GALNT12: variants seen among roughly 807,000 people sequenced by gnomAD.
The protein encoded by GALNT12 is UDP-GalNAc:polypeptide N-acetylgalactosaminyltransferase 12.
Under a neutral mutation model 55.5 loss-of-function variants are expected in GALNT12, and 45 were observed. That is an observed-to-expected ratio of 0.81 (90% confidence interval 0.64 to 1.04). The LOEUF is 1.04. Among genes scored for constraint, GALNT12 ranks in the 50% least tolerant of loss-of-function variants. The pLI is 0.00. For synonymous variants in GALNT12, 304 were observed against 312.2 expected, an observed-to-expected ratio of 0.97 and a Z score of 0.28; for missense variants, 709 against 754.8, an observed-to-expected ratio of 0.94 and a Z score of 0.71.
intron 1 of GALNT12, among the ~76,000 whole-genome samples, chr9:98,822,626 A>G (rs1835770602): frequency 6.6e-6 from 1 of 152,078 alleles, no homozygotes; most frequent in African/African-American, 2.4e-5. Flanking sequence ...CCACAATTCT[A>G]GTTTATGCAT....
At chr9:98,844,848 C>T (rs1022795) in intron 8 of GALNT12, among the ~76,000 whole-genome samples, 4,773 of 152,068 alleles carry the variant, frequency 0.031, 185 homozygotes, top group East Asian at 0.12. Context: ...CAGAAAAGGA[C>T]CCCCAGCCCT....
In GALNT12 at chr9:98,807,962, CGAGGAGCTGCGGCTGCAGGAG is replaced by C; in HGVS notation, c.268_288del (p.Glu90_Glu96del). 6.8e-7 allele frequency: 1 copy of C among 1,464,618 alleles called. No individual in the cohort carries two copies. Among genetic ancestry groups the C allele is most frequent in the African/African-American group, 1.4e-5 (1 of 69,844 alleles). The allele number at this position is 1,464,618 out of a possible 1,614,324, so 90.7% of individuals were successfully genotyped here. On this transcript the variant is annotated inframe_deletion, in exon 1 of 10. Transcript: ENST00000375011. ...AGGCGGTGCGGCTGCAGCTGCAGGG[CGAGGAGCTGCGGCTGCAGGAG>C]GAGAGCGTGCGGCTGCACCAGATTA...
At chr9:98,832,003 T>C (rs752495997) in intron 4 of GALNT12, 46 bp downstream of exon 4, 2 of 1,546,098 alleles carry the variant, frequency 1.3e-6, no homozygotes, top group Non-Finnish European at 1.8e-6. Flanking sequence ...GCATGCCTCA[T>C]TGAATCTGGC....
rs956889773 is a variant in GALNT12 at position 98,848,874 on chromosome 9, C to G, written c.1606-78C>G. The G allele has an allele frequency of 1.9e-6, 3 of 1,550,782 alleles. No individual in the cohort carries two copies. The East Asian group carries it at 6.8e-5, about 35-fold the overall frequency. On this transcript the variant is annotated intron_variant, in intron 9 of 9. Coordinates refer to ENST00000375011, the MANE Select transcript of GALNT12 (RefSeq NM_024642.5). The stretch of plus-strand genomic sequence containing the variant: ...ATTTCTGAAATGGTAAAAATCAGAC[C>G]CTGATCTCTTTAAAACATGTCTTTA...
chr9:98,808,569 A>G (rs1380912326), intron 1 of GALNT12, among the ~76,000 whole-genome samples: 1 of 152,246 alleles, frequency 6.6e-6, no homozygotes, highest in Non-Finnish European at 1.5e-5. Flanking sequence ...CCTCAGCGCT[A>G]GAAAGCCTCC....
intron 1 of GALNT12, among the ~76,000 whole-genome samples, chr9:98,816,842 A>G (rs1835623175): frequency 1.3e-5 from 1 of 79,266 alleles, no homozygotes; most frequent in African/African-American, 4.9e-5. Flanking sequence ...TTTTTTTTTG[A>G]GACACAGTCT....
At chr9:98,847,419 T>C (rs1047890131) in intron 9 of GALNT12, 2 of 152,194 alleles carry the variant, frequency 1.3e-5, no homozygotes, top group African/African-American at 4.8e-5. Context: ...TCTGATCTTC[T>C]TGAATGTCCT....
At chr9:98,818,581 A>C (rs1221239304) in intron 1 of GALNT12, among the ~76,000 whole-genome samples, 9 of 151,882 alleles carry the variant, frequency 5.9e-5, no homozygotes, top group Non-Finnish European at 4.4e-5. Flanking sequence ...TCTAAGCAAG[A>C]ATCAGGTGTG....
At chr9:98,831,985 T>C (rs1200857813) in intron 4 of GALNT12, 28 bp downstream of exon 4, 4 of 1,592,302 alleles carry the variant, frequency 2.5e-6, no homozygotes, top group African/African-American at 1.3e-5. Context: ...GGGTGACTTG[T>C]TTTTTAAGCA....
chr9:98,835,136 A>G, intron 4 of GALNT12, 113 bp from the exon 5 acceptor site: 1 of 815,948 alleles, frequency 1.2e-6, no homozygotes, highest in Non-Finnish European at 2.2e-6. Context: ...AAGGCGGGAT[A>G]TGCTTAGAGA....
Position 98,826,373 on chromosome 9 carries a change from G to A in GALNT12, c.542-379G>A, listed in dbSNP as rs188309053. 4.7e-3 allele frequency among the ~76,000 whole-genome samples: 714 copies of A among 152,250 alleles called. 9 individuals are homozygous for A. The highest frequency in any genetic ancestry group is 0.016 in the African/African-American group (670 of 41,530). On this transcript the variant is annotated intron_variant, in intron 2 of 9. Coordinates refer to ENST00000375011, the MANE Select transcript of GALNT12 (RefSeq NM_024642.5). ...TAACTACTGTTTTTATAAAAATTGC[G>A]ATTAGATGGTTCACGTGTTTTTTGG...
intron 1 of GALNT12, among the ~76,000 whole-genome samples, chr9:98,818,280 T>G (rs1018823552): frequency 6.6e-6 from 1 of 151,984 alleles, no homozygotes; most frequent in Non-Finnish European, 1.5e-5. Flanking sequence ...TGGAGTGCAA[T>G]GGTGCTATCT....
At chr9:98,823,917 G>A (rs1006074935) in intron 2 of GALNT12, among the ~76,000 whole-genome samples, 2 of 152,220 alleles carry the variant, frequency 1.3e-5, no homozygotes, top group Non-Finnish European at 2.9e-5. Context: ...CCTTGGCTTG[G>A]CTGGGACTGG....
At chr9:98,840,208 A>G in intron 7 of GALNT12, 75 bp downstream of exon 7, 1 of 1,590,676 alleles carries the variant, frequency 6.3e-7, no homozygotes, top group Middle Eastern at 2.3e-4. Flanking sequence ...ATCCTGGGCA[A>G]GAAAGGCCAC....
chr9:98,816,075 A>G (rs1017183822), intron 1 of GALNT12, among the ~76,000 whole-genome samples: 6 of 152,238 alleles, frequency 3.9e-5, no homozygotes, highest in Non-Finnish European at 7.3e-5. Flanking sequence ...TCATGCAGCC[A>G]TACTATACTA....
chr9:98,832,038 G>T, intron 4 of GALNT12, 81 bp downstream of exon 4: 2 of 1,246,784 alleles, frequency 1.6e-6, no homozygotes, highest in Non-Finnish European at 2.3e-6. Flanking sequence ...AGGCCCTCGG[G>T]AGGAATGGTT....
rs1836514869 is a variant in GALNT12 at position 98,850,026 on chromosome 9, A to T, written c.*934A>T. 1 of 197,836 alleles carries T rather than the reference A, an allele frequency of 5.1e-6. No homozygotes were observed. The highest frequency in any genetic ancestry group is 2.3e-5 in the African/African-American group (1 of 43,398). 12.3% of individuals were successfully genotyped at this position (197,836 alleles called of 1,614,324 possible). The stretch of plus-strand genomic sequence containing the variant: ...TGAATGATCCCAGACCAACCCTGAG[A>T]TTTTGTCAACCTGATTAAGTCAATA... On this transcript the variant is annotated 3_prime_UTR_variant, in exon 10 of 10. Coordinates refer to ENST00000375011, the MANE Select transcript of GALNT12 (RefSeq NM_024642.5).
At chr9:98,824,483 C>T (rs931867166) in intron 2 of GALNT12, among the ~76,000 whole-genome samples, 1 of 152,182 alleles carries the variant, frequency 6.6e-6, no homozygotes, top group African/African-American at 2.4e-5. Flanking sequence ...TGCCTGGCCA[C>T]GTGTAGCTGC....
At chr9:98,825,112 G>C (rs186647582) in intron 2 of GALNT12, among the ~76,000 whole-genome samples, 50 of 152,306 alleles carry the variant, frequency 3.3e-4, no homozygotes, top group African/African-American at 1.1e-3. Flanking sequence ...GTGCTGGGTA[G>C]GTGCTTGGCA....
Sources: gnomAD v4.1 joint callset for allele counts (sites outside exome capture counted in the v4.1 genomes callset) on GRCh38, gnomAD v4.1.1 for gene constraint, MANE v1.5 for transcripts, NCBI Gene and HGNC (gene_info 2026-07-23, HGNC 2026-07-21) for gene names.